Variants in CTNNBL1 observed in about 807,000 individuals in gnomAD.
The protein encoded by CTNNBL1 is beta-catenin-like protein 1.
CTNNBL1 carries 31 observed loss-of-function variants against 72.7 expected under a neutral mutation model. The ratio of observed to expected loss-of-function variants is 0.43; its 90% CI spans 0.32 to 0.58. CTNNBL1 has a LOEUF of 0.58. Ranked by LOEUF, CTNNBL1 falls within the 20% of genes least tolerant of loss-of-function variation. CTNNBL1 has a pLI of 0.08. For missense variants in CTNNBL1, 534 were observed against 725.1 expected (o/e 0.74, Z 3.03); for synonymous variants, 240 against 267.3 (o/e 0.90, Z 1.00).
At chr20:37,736,078 A>G (rs146761788) in intron 2 of CTNNBL1, among the ~76,000 whole-genome samples, 207 of 152,344 alleles carry the variant, frequency 1.4e-3, no homozygotes, top group African/African-American at 4.7e-3. Context: ...TATTATTCCA[A>G]TGTATGAAGC....
intron 13 of CTNNBL1, among the ~76,000 whole-genome samples, chr20:37,849,970 G>A (rs2072382192): frequency 6.6e-6 from 1 of 152,234 alleles, no homozygotes; most frequent in Admixed American, 6.5e-5. Flanking sequence ...AGGGAAGTAT[G>A]CCCTAAGTGG....
chr20:37,861,124 C>T (rs1017418878), intron 15 of CTNNBL1, among the ~76,000 whole-genome samples: 11 of 152,184 alleles, frequency 7.2e-5, no homozygotes, highest in East Asian at 1.9e-4. Context: ...CCTCTAGCTG[C>T]TAGCCTGTCA....
In CTNNBL1 at chr20:37,803,049, G is replaced by A; in HGVS notation, c.1213+1G>A. The A allele has an allele frequency of 1.2e-6, 2 of 1,613,120 alleles. No homozygotes were observed. The highest frequency in any genetic ancestry group is 1.7e-6 in the Non-Finnish European group (2 of 1,179,328). On this transcript the variant is annotated splice_donor_variant, in intron 11 of 15. Coordinates refer to ENST00000361383, the MANE Select transcript of CTNNBL1 (RefSeq NM_030877.5). LOFTEE classifies it high-confidence loss of function. ...GGAACCACTGAGAAGGAACATGAAG[G>A]TAGGGTTCACTGGAGGAGTCAGCCT...
At chr20:37,779,407 A>G (rs1446020649) in intron 10 of CTNNBL1, 72 bp downstream of exon 10, 4 of 1,528,276 alleles carry the variant, frequency 2.6e-6, no homozygotes, top group East Asian at 4.5e-5. Flanking sequence ...ATTCAAGAGC[A>G]TGTAGCTATG....
intron 3 of CTNNBL1, among the ~76,000 whole-genome samples, chr20:37,745,198 T>C (rs2073252191): frequency 6.6e-6 from 1 of 152,230 alleles, no homozygotes; most frequent in Non-Finnish European, 1.5e-5. Context: ...TAAAGAATTC[T>C]AAGTCTCTAG....
At chr20:37,778,008 T>C (rs1306077265) in intron 9 of CTNNBL1, among the ~76,000 whole-genome samples, 1 of 152,184 alleles carries the variant, frequency 6.6e-6, no homozygotes, top group Non-Finnish European at 1.5e-5. Flanking sequence ...GGGCCAAGCA[T>C]ACCAAATTAT....
chr20:37,819,872 C>CTTT (rs368562087), intron 11 of CTNNBL1, among the ~76,000 whole-genome samples: 2,714 of 121,192 alleles, frequency 0.022, 80 homozygotes, highest in Non-Finnish European at 0.037. Context: ...CTTTTAATAT[C>CTTT]TTTTTTTTTT....
intron 2 of CTNNBL1, among the ~76,000 whole-genome samples, chr20:37,733,589 A>G (rs1244675511): frequency 6.6e-6 from 1 of 151,902 alleles, no homozygotes; most frequent in Non-Finnish European, 1.5e-5. Flanking sequence ...CTGCCTCTGG[A>G]CCTTTGGACT....
Position 37,750,421 on chromosome 20 carries a change from C to T in CTNNBL1, c.466+3814C>T, listed in dbSNP as rs184936884. ...CAGCTGCTGCCTTTTCAAAATAATG[C>T]TTTTTAAACACTTTTTCCTTTAAAG... On this transcript the variant is annotated intron_variant, in intron 4 of 15. Coordinates refer to ENST00000361383, the MANE Select transcript of CTNNBL1 (RefSeq NM_030877.5). The T allele has an allele frequency of 2.0e-3, 308 of 152,298 alleles. 4 individuals are homozygous for T. Among genetic ancestry groups the T allele is most frequent in the African/African-American group, 7.1e-3 (295 of 41,572 alleles). 9.4% of individuals were successfully genotyped at this position (152,298 alleles called of 1,614,324 possible).
intron 11 of CTNNBL1, among the ~76,000 whole-genome samples, chr20:37,808,325 T>A (rs2071978523): frequency 6.6e-6 from 1 of 152,136 alleles, no homozygotes; most frequent in Non-Finnish European, 1.5e-5. Flanking sequence ...CGCCGCCTCC[T>A]AGGATTAGAA....
intron 10 of CTNNBL1, among the ~76,000 whole-genome samples, chr20:37,801,337 T>C (rs2073821770): frequency 6.6e-6 from 1 of 152,176 alleles, no homozygotes; most frequent in South Asian, 2.1e-4. Context: ...GCCCAGTAAA[T>C]ATTGCATATT....
intron 6 of CTNNBL1, among the ~76,000 whole-genome samples, chr20:37,767,369 A>T (rs1022539444): frequency 6.6e-6 from 1 of 152,130 alleles, no homozygotes; most frequent in Non-Finnish European, 1.5e-5. Flanking sequence ...AGATAGCAGG[A>T]CCAATTATAT....
chr20:37,867,996 C>T (rs1236384396), intron 15 of CTNNBL1, among the ~76,000 whole-genome samples: 1 of 152,188 alleles, frequency 6.6e-6, no homozygotes, highest in East Asian at 1.9e-4. Flanking sequence ...GGCTCCGTGG[C>T]CGGCTCACTG....
intron 11 of CTNNBL1, among the ~76,000 whole-genome samples, chr20:37,807,807 T>C (rs556229469): frequency 6.6e-6 from 1 of 152,308 alleles, no homozygotes; most frequent in South Asian, 2.1e-4. Flanking sequence ...TTGGGTGCAC[T>C]AGCATGATTG....
intron 4 of CTNNBL1, among the ~76,000 whole-genome samples, chr20:37,748,413 A>G (rs2073287643): frequency 6.6e-6 from 1 of 152,154 alleles, no homozygotes; most frequent in African/African-American, 2.4e-5. Context: ...AACCCTAGTT[A>G]GCTTGCTGCT....
intron 10 of CTNNBL1, among the ~76,000 whole-genome samples, chr20:37,784,868 C>T (rs922672716): frequency 6.6e-6 from 1 of 152,132 alleles, no homozygotes; most frequent in African/African-American, 2.4e-5. Context: ...TGCTCATTGG[C>T]ATCCTTTTCT....
intron 11 of CTNNBL1, among the ~76,000 whole-genome samples, chr20:37,839,362 C>T (rs541358223): frequency 1.1e-4 from 17 of 152,298 alleles, no homozygotes; most frequent in African/African-American, 2.9e-4. Context: ...CATTTCTCCA[C>T]GAGTAGACTT....
intron 2 of CTNNBL1, among the ~76,000 whole-genome samples, chr20:37,736,723 T>G (rs1322366471): frequency 6.6e-6 from 1 of 151,878 alleles, no homozygotes; most frequent in Non-Finnish European, 1.5e-5. Flanking sequence ...GGTTTTGCCA[T>G]GTTGGCCAGG....
chr20:37,727,232 G>A (rs1461658826), intron 1 of CTNNBL1: 8 of 378,696 alleles, frequency 2.1e-5, no homozygotes, highest in African/African-American at 1.8e-4. Flanking sequence ...AGTATCCTAG[G>A]CAGATTGCTT....
Sources: gnomAD v4.1 joint callset for allele counts (sites outside exome capture counted in the v4.1 genomes callset) on GRCh38, gnomAD v4.1.1 for gene constraint, MANE v1.5 for transcripts, NCBI Gene and HGNC (gene_info 2026-07-23, HGNC 2026-07-21) for gene names.